CTNNA3: variants seen among roughly 807,000 people sequenced by gnomAD.
The protein encoded by CTNNA3 is catenin alpha-3.
A neutral mutation model predicts 95.7 loss-of-function variants in CTNNA3; 76 were observed. The ratio of observed to expected loss-of-function variants is 0.79; its 90% confidence interval spans 0.66 to 0.96. The LOEUF is 0.96. Among genes scored for constraint, CTNNA3 ranks in the 40% least tolerant of loss-of-function variants. The pLI is 0.00. For synonymous variants in CTNNA3, 431 were observed against 374.4 expected (o/e 1.15, Z -1.74); for missense variants, 1,191 against 1,089.8 (o/e 1.09, Z -1.31).
At chr10:66,465,565 C>G (rs1564990003) in intron 11 of CTNNA3, among the ~76,000 whole-genome samples, 1 of 152,072 alleles carries the variant, frequency 6.6e-6, no homozygotes, top group Non-Finnish European at 1.5e-5. Context: ...TACTTCCTTG[C>G]CTCTGCAATG....
rs1433035268 is a variant in CTNNA3 at position 66,097,225 on chromosome 10, C to T, written c.1977+5932G>A. ...TAAAGTGTCCATGATGTCAAAAATACTTAGTACCATGAAACAGGAAACCAA... is the reference window on the plus strand; with the variant it reads ...TAAAGTGTCCATGATGTCAAAAATATTTAGTACCATGAAACAGGAAACCAA... On this transcript the variant is annotated intron_variant, in intron 14 of 17. Coordinates refer to ENST00000433211, the MANE Select transcript of CTNNA3 (RefSeq NM_013266.4). 3.3e-5 allele frequency among the ~76,000 whole-genome samples: 5 copies of T among 152,054 alleles called. No individual in the cohort carries two copies. In the East Asian group the frequency reaches 7.7e-4, roughly 24 times the overall value.
intron 7 of CTNNA3, among the ~76,000 whole-genome samples, chr10:66,835,462 T>C (rs1842855650): frequency 6.6e-6 from 1 of 152,228 alleles, no homozygotes; most frequent in Admixed American, 6.5e-5. Flanking sequence ...GGATTCTGAC[T>C]CTTAGGCCAG....
At chr10:66,363,337 T>G (rs2092689998) in intron 12 of CTNNA3, among the ~76,000 whole-genome samples, 1 of 152,116 alleles carries the variant, frequency 6.6e-6, no homozygotes, top group African/African-American at 2.4e-5. Context: ...GAGAGGTAAT[T>G]AGGTCATAAA....
intron 7 of CTNNA3, among the ~76,000 whole-genome samples, chr10:67,151,071 C>T (rs1861068018): frequency 6.6e-6 from 1 of 152,118 alleles, no homozygotes. Context: ...CACACAGATA[C>T]TTTTTCTTCA....
intron 11 of CTNNA3, among the ~76,000 whole-genome samples, chr10:66,454,151 C>T (rs192986190): frequency 1.3e-4 from 20 of 152,222 alleles, no homozygotes; most frequent in African/African-American, 4.1e-4. Context: ...GAAATAGATT[C>T]CCCCCTGCAG....
chr10:66,379,382 G>T (rs373940157), intron 11 of CTNNA3, 30 bp from the exon 12 acceptor site: 121 of 1,560,490 alleles, frequency 7.8e-5, no homozygotes, highest in Non-Finnish European at 1.0e-4. Flanking sequence ...ATTAGTTTTT[G>T]CGTGTGTCTG....
rs528257750 is a variant in CTNNA3, at chr10:67,702,413, T to C, written c.-1-54899A>G. 9.2e-3 allele frequency among the ~76,000 whole-genome samples: 1,404 copies of C among 152,116 alleles called. 20 individuals are homozygous for C. The highest frequency in any genetic ancestry group is 0.032 in the African/African-American group (1,346 of 41,476). The stretch of plus-strand genomic sequence containing the variant: ...TCAGCAAATGTAAAAGATCAGACAT[T>C]ATAACAAACTGTCTCTCAGACCACA... On this transcript the variant is annotated intron_variant, in intron 1 of 17. Coordinates refer to the CTNNA3 transcript ENST00000684154.
intron 13 of CTNNA3, among the ~76,000 whole-genome samples, chr10:66,135,111 T>G (rs540541143): frequency 5.3e-5 from 8 of 152,158 alleles, no homozygotes; most frequent in Non-Finnish European, 8.8e-5. Flanking sequence ...TATATTTGAA[T>G]AAGAGGTATT....
chr10:67,084,622 C>T (rs547941386), intron 7 of CTNNA3, among the ~76,000 whole-genome samples: 1 of 151,918 alleles, frequency 6.6e-6, no homozygotes, highest in East Asian at 1.9e-4. Flanking sequence ...ATCAGTCCTG[C>T]CTTTCCAATC....
intron 7 of CTNNA3, among the ~76,000 whole-genome samples, chr10:67,032,747 T>C (rs1236389356): frequency 6.6e-6 from 1 of 152,066 alleles, no homozygotes; most frequent in African/African-American, 2.4e-5. Flanking sequence ...TAATAAAATG[T>C]CTTTGATGTC....
chr10:66,309,522 C>G (rs914815228), intron 12 of CTNNA3, among the ~76,000 whole-genome samples: 3 of 151,080 alleles, frequency 2.0e-5, no homozygotes, highest in African/African-American at 7.3e-5. Context: ...GAAACCCCAT[C>G]TACCAAAAAT....
At chr10:66,410,825 T>A (rs2093098177) in intron 11 of CTNNA3, among the ~76,000 whole-genome samples, 1 of 152,176 alleles carries the variant, frequency 6.6e-6, no homozygotes, top group African/African-American at 2.4e-5. Flanking sequence ...TTTCTAAGGC[T>A]CTTTCTCATC....
intron 17 of CTNNA3, among the ~76,000 whole-genome samples, chr10:65,939,357 G>C (rs2077392911): frequency 1.3e-5 from 2 of 152,162 alleles, no homozygotes; most frequent in Non-Finnish European, 2.9e-5. Context: ...GTCCCAACCA[G>C]TTCTACAATT....
At chr10:67,316,736 A>G (rs1487796077) in intron 5 of CTNNA3, among the ~76,000 whole-genome samples, 2 of 152,202 alleles carry the variant, frequency 1.3e-5, no homozygotes, top group East Asian at 3.8e-4. Context: ...AAATTTTTTT[A>G]TCTGTAAAAT....
intron 7 of CTNNA3, among the ~76,000 whole-genome samples, chr10:67,133,410 G>GATAT (rs143966211): frequency 1.4e-5 from 2 of 144,398 alleles, no homozygotes; most frequent in Admixed American, 7.0e-5. Context: ...CACAATGGTA[G>GATAT]ATATATATAT....
chr10:66,875,085 AC>A (rs1380850922), intron 7 of CTNNA3, among the ~76,000 whole-genome samples: 1 of 152,198 alleles, frequency 6.6e-6, no homozygotes, highest in Non-Finnish European at 1.5e-5. Flanking sequence ...CGATTGCTAG[AC>A]AAGTGGTGCT....
intron 9 of CTNNA3, among the ~76,000 whole-genome samples, chr10:66,754,435 C>A (rs983280113): frequency 2.0e-5 from 3 of 152,032 alleles, no homozygotes; most frequent in Admixed American, 1.3e-4. Context: ...AAAAATAAAT[C>A]TTTATGAACT....
chr10:66,152,499 AT>A (rs1289850824), intron 13 of CTNNA3, among the ~76,000 whole-genome samples: 1 of 151,960 alleles, frequency 6.6e-6, no homozygotes, highest in African/African-American at 2.4e-5. Flanking sequence ...TACTTTCACA[AT>A]ATAAAGAAAA....
At chr10:67,056,308 G>A (rs1396559044) in intron 7 of CTNNA3, among the ~76,000 whole-genome samples, 3 of 152,158 alleles carry the variant, frequency 2.0e-5, no homozygotes, top group Non-Finnish European at 4.4e-5. Context: ...TGGTTTGGGT[G>A]AGGCAATATT....
Sources: allele counts gnomAD v4.1 joint callset (sites outside exome capture counted in the v4.1 genomes callset), GRCh38; gene constraint gnomAD v4.1.1; transcripts MANE v1.5; gene names NCBI Gene and HGNC (gene_info 2026-07-23, HGNC 2026-07-21).